OPA1: variants seen among roughly 807,000 people sequenced by gnomAD.
OPA1 encodes the protein OPA1 mitochondrial dynamin like GTPase.
Under a neutral mutation model 152.9 loss-of-function variants are expected in OPA1, and 59 were observed. The ratio of observed to expected loss-of-function variants is 0.39; its 90% CI spans 0.31 to 0.48. The LOEUF is 0.48. OPA1 is among the 20% of genes least tolerant of loss of function. The pLI is 0.96. For synonymous variants in OPA1, 400 were observed against 389.9 expected, an observed-to-expected ratio of 1.03 and a Z score of -0.31; for missense variants, 1,008 against 1,216.8, an observed-to-expected ratio of 0.83 and a Z score of 2.55.
At chr3:193,687,292 A>G (rs78720286) in intron 29 of OPA1, among the ~76,000 whole-genome samples, 2,431 of 152,320 alleles carry the variant, frequency 0.016, 69 homozygotes, top group African/African-American at 0.056. Context: ...CTCAATCAAG[A>G]AGCACAGTGA....
chr3:193,594,123 C>A (rs918728546), intron 1 of OPA1, among the ~76,000 whole-genome samples: 2 of 152,118 alleles, frequency 1.3e-5, no homozygotes, highest in Non-Finnish European at 2.9e-5. Flanking sequence ...TCATAGAAAT[C>A]TTTTCATTTC....
intron 23 of OPA1, 69 bp downstream of exon 23, chr3:193,657,301 A>T (rs1050578370): frequency 1.4e-6 from 2 of 1,452,000 alleles, no homozygotes; most frequent in East Asian, 4.6e-5. Flanking sequence ...ATACTTTTTC[A>T]TAGGAGACTT....
chr3:193,627,958 T>G (rs1179570285), intron 7 of OPA1, among the ~76,000 whole-genome samples: 1 of 152,088 alleles, frequency 6.6e-6, no homozygotes, highest in Non-Finnish European at 1.5e-5. Context: ...GGGAAGTAAA[T>G]GGGACTTTAA....
At chr3:193,656,128 G>T (rs991640248) in intron 22 of OPA1, among the ~76,000 whole-genome samples, 3 of 152,084 alleles carry the variant, frequency 2.0e-5, no homozygotes, top group African/African-American at 7.2e-5. Context: ...CTCATTACTG[G>T]CACTAACATT....
chr3:193,615,031 C>A lies in OPA1; in HGVS notation c.341C>A (p.Thr114Lys), dbSNP rs1728801703. The A allele has an allele frequency of 6.2e-7, 1 of 1,613,390 alleles. No individual in the cohort carries two copies. Residue 114 changes from threonine to lysine, a missense_variant, in exon 2 of 31, where the codon ACA becomes AAA. By Grantham distance (78) the Thr-to-Lys change is moderately conservative. Around this residue, in one of 7 missense-constraint regions of OPA1, gnomAD observed 408 missense variants for 395.1 expected, o/e 1.03. Coordinates refer to ENST00000361510, the MANE Select transcript of OPA1 (RefSeq NM_130837.3). ...GGATCGGCTGTTGGGGGTGGCTACA[C>A]AGCCAAAAAGGTGAACTTGACATTC... ...ILGSAVGGGY[T>K]AKKTFDQWKD...
chr3:193,629,142 A>G (rs1182950622), intron 7 of OPA1, among the ~76,000 whole-genome samples: 1 of 151,764 alleles, frequency 6.6e-6, no homozygotes, highest in African/African-American at 2.4e-5. Flanking sequence ...CGAACTCCCG[A>G]CCTCAGGTGA....
chr3:193,602,525 A>T (rs1726621295), intron 1 of OPA1, among the ~76,000 whole-genome samples: 1 of 152,218 alleles, frequency 6.6e-6, no homozygotes, highest in Non-Finnish European at 1.5e-5. Context: ...GAAGCATGAG[A>T]TGCTATTATT....
intron 22 of OPA1, among the ~76,000 whole-genome samples, chr3:193,656,676 A>G (rs1435764687): frequency 6.6e-6 from 1 of 152,218 alleles, no homozygotes; most frequent in Non-Finnish European, 1.5e-5. Context: ...TGGCAGGCTT[A>G]GAATACATAC....
intron 8 of OPA1, 89 bp from the exon 9 acceptor site, chr3:193,635,329 T>G: frequency 1.3e-6 from 1 of 790,304 alleles, no homozygotes; most frequent in East Asian, 2.5e-5. Flanking sequence ...AGATATGACT[T>G]CAAGATTTTG....
At chr3:193,623,533 G>A (rs1225552417) in intron 6 of OPA1, among the ~76,000 whole-genome samples, 1 of 152,108 alleles carries the variant, frequency 6.6e-6, no homozygotes, top group African/African-American at 2.4e-5. Context: ...AAAGAGAGAT[G>A]AGAGATTGAG....
chr3:193,596,341 CTTTT>C (rs1339709836), intron 1 of OPA1, among the ~76,000 whole-genome samples: 115 of 132,946 alleles, frequency 8.7e-4, no homozygotes, highest in Middle Eastern at 3.9e-3. Flanking sequence ...CTTTCCTTTT[CTTTT>C]CTTTTCTTTT....
chr3:193,672,730 A>G (rs1449599563), intron 29 of OPA1, among the ~76,000 whole-genome samples: 1 of 152,084 alleles, frequency 6.6e-6, no homozygotes, highest in Non-Finnish European at 1.5e-5. Context: ...TTAGCTGGGC[A>G]TGGTGGCAGG....
intron 16 of OPA1, among the ~76,000 whole-genome samples, chr3:193,644,890 A>G (rs1734312636): frequency 1.3e-5 from 2 of 152,288 alleles, no homozygotes; most frequent in African/African-American, 4.8e-5. Context: ...GTCTTAAAGG[A>G]GGGATTCTCA....
chr3:193,669,320 C>T (rs986393106), intron 29 of OPA1, among the ~76,000 whole-genome samples: 2 of 152,132 alleles, frequency 1.3e-5, no homozygotes, highest in African/African-American at 4.8e-5. Context: ...ATTCTTCTTT[C>T]GAGACATATC....
At chr3:193,650,028 A>T (rs1410888676) in intron 21 of OPA1, among the ~76,000 whole-genome samples, 1 of 152,168 alleles carries the variant, frequency 6.6e-6, no homozygotes, top group African/African-American at 2.4e-5. Context: ...GTAACAACTA[A>T]TAATGCTGTT....
intron 11 of OPA1, among the ~76,000 whole-genome samples, chr3:193,642,192 C>G (rs1003474392): frequency 2.0e-5 from 3 of 152,170 alleles, no homozygotes; most frequent in African/African-American, 7.2e-5. Context: ...TCGTAGCTCC[C>G]TTATCATCAG....
intron 29 of OPA1, among the ~76,000 whole-genome samples, chr3:193,684,139 C>A (rs1003911229): frequency 1.3e-5 from 2 of 152,132 alleles, no homozygotes; most frequent in Non-Finnish European, 2.9e-5. Context: ...TTAGATGATA[C>A]AATGAATCTA....
chr3:193,645,928 A>G (rs1734521009), intron 18 of OPA1, 128 bp downstream of exon 18: 2 of 778,488 alleles, frequency 2.6e-6, no homozygotes, highest in Non-Finnish European at 4.2e-6. Context: ...TTTTTCCCAA[A>G]TAGTGAACTG....
intron 1 of OPA1, among the ~76,000 whole-genome samples, chr3:193,612,992 C>T (rs1728489926): frequency 6.6e-6 from 1 of 152,192 alleles, no homozygotes; most frequent in African/African-American, 2.4e-5. Flanking sequence ...GGGTACCTCA[C>T]CAGGTCACCT....
Sources: allele counts gnomAD v4.1 joint callset (sites outside exome capture counted in the v4.1 genomes callset), GRCh38; gene constraint gnomAD v4.1.1; regional missense constraint gnomAD v4.1.1; transcripts MANE v1.5; gene names NCBI Gene and HGNC (gene_info 2026-07-23, HGNC 2026-07-21).